The following EYA4 variants were observed in gnomAD, a reference collection of about 807,000 sequenced individuals.
EYA4 encodes EYA transcriptional coactivator and phosphatase 4.
A neutral mutation model predicts 87.9 loss-of-function variants in EYA4; 31 were observed. The ratio of observed to expected loss-of-function variants is 0.35; its 90% confidence interval spans 0.27 to 0.48. The LOEUF (loss-of-function observed/expected upper bound fraction) is 0.48. Ranked by LOEUF, EYA4 falls within the 20% of genes least tolerant of loss-of-function variation. The pLI is 0.99. For missense variants in EYA4, 678 were observed against 761.4 expected, an observed-to-expected ratio of 0.89 and a Z score of 1.29; for synonymous variants, 263 against 270.6, an observed-to-expected ratio of 0.97 and a Z score of 0.28.
chr6:133,503,942 C>T lies in EYA4; in HGVS notation c.1192-2164C>T, dbSNP rs1798366036. Reference sequence around the variant, plus strand: ...TTAATATTTTTTTTCTTTTGAGATACTGTTTCACTCTGTCACCCAAGCTGG... The same window carrying T: ...TTAATATTTTTTTTCTTTTGAGATATTGTTTCACTCTGTCACCCAAGCTGG... On this transcript the variant is annotated intron_variant, in intron 13 of 19. Transcript: ENST00000355286. Among the ~76,000 whole-genome samples, 3 of 151,968 alleles carry T rather than the reference C, an allele frequency of 2.0e-5. No individual in the cohort carries two copies. In the South Asian group the frequency reaches 6.2e-4, roughly 31 times the overall value.
intron 2 of EYA4, among the ~76,000 whole-genome samples, chr6:133,355,056 G>T (rs1053672443): frequency 2.6e-5 from 4 of 152,100 alleles, no homozygotes; most frequent in African/African-American, 9.7e-5. Context: ...CAGATAAATG[G>T]TTTTGAAAAA....
chr6:133,437,228 A>G (rs2128600493), intron 3 of EYA4, among the ~76,000 whole-genome samples: 1 of 152,332 alleles, frequency 6.6e-6, no homozygotes, highest in East Asian at 1.9e-4. Flanking sequence ...AGCAGTGTAC[A>G]TTTGGCAGAG....
intron 2 of EYA4, among the ~76,000 whole-genome samples, chr6:133,358,017 T>C (rs993735059): frequency 6.6e-6 from 1 of 152,166 alleles, no homozygotes; most frequent in Non-Finnish European, 1.5e-5. Flanking sequence ...CGGTATAATA[T>C]TTTCCTTTAT....
chr6:133,328,169 T>A (rs531797487), intron 2 of EYA4, among the ~76,000 whole-genome samples: 4 of 152,320 alleles, frequency 2.6e-5, no homozygotes, highest in Admixed American at 2.0e-4. Context: ...AGTTTTCTCA[T>A]CTTTAAAATA....
rs1375473943 is a variant in EYA4 at position 133,479,334 on chromosome 6, C to G, written c.971-2129C>G. ...AAACCTTATTACTCTGCTATCTACT[C>G]TCACCGAGGTGATAACATAGACCCA... On this transcript the variant is annotated intron_variant, in intron 11 of 19. Transcript: ENST00000355286. 5.3e-5 allele frequency among the ~76,000 whole-genome samples: 8 copies of G among 152,166 alleles called. No individual in the cohort carries two copies. In the East Asian group the frequency reaches 1.5e-3, roughly 29 times the overall value.
intron 2 of EYA4, among the ~76,000 whole-genome samples, chr6:133,337,379 G>T (rs920850043): frequency 6.6e-6 from 1 of 152,132 alleles, no homozygotes; most frequent in Non-Finnish European, 1.5e-5. Flanking sequence ...ATATTATATT[G>T]TTAATAGGGG....
At chr6:133,371,304 A>G (rs528579923) in intron 2 of EYA4, among the ~76,000 whole-genome samples, 43 of 152,284 alleles carry the variant, frequency 2.8e-4, no homozygotes, top group Admixed American at 7.2e-4. Context: ...ATCCCAGCCA[A>G]TAAGTTTTCC....
intron 2 of EYA4, among the ~76,000 whole-genome samples, chr6:133,346,869 T>G (rs951367360): frequency 2.0e-5 from 3 of 152,176 alleles, no homozygotes; most frequent in Non-Finnish European, 4.4e-5. Context: ...TTTCTGTTTC[T>G]GCAATTCTGC....
chr6:133,243,090 G>GTGTGTGTGTC (rs1554206025), intron 1 of EYA4, among the ~76,000 whole-genome samples: 1 of 12,764 alleles, frequency 7.8e-5, no homozygotes, highest in Non-Finnish European at 1.3e-4. Context: ...GAGCAACTTC[G>GTGTGTGTGTC]TGTGTGTGTG....
At chr6:133,365,562 G>A (rs932436818) in intron 2 of EYA4, among the ~76,000 whole-genome samples, 3 of 152,042 alleles carry the variant, frequency 2.0e-5, no homozygotes, top group Non-Finnish European at 4.4e-5. Context: ...ACGATGGGGC[G>A]CATGGGGAAG....
chr6:133,477,809 G>A (rs1795868220), intron 11 of EYA4, among the ~76,000 whole-genome samples: 1 of 112,112 alleles, frequency 8.9e-6, no homozygotes, highest in Admixed American at 1.0e-4. Context: ...TGAGGTTTAA[G>A]TCAGACACAC....
chr6:133,485,921 G>A (rs1256396176), intron 13 of EYA4, among the ~76,000 whole-genome samples: 1 of 152,170 alleles, frequency 6.6e-6, no homozygotes, highest in East Asian at 1.9e-4. Flanking sequence ...GCAATAGGGT[G>A]GTGGTGAAAG....
chr6:133,243,089 C>CGTGTGTGTGTGT (rs3065226), intron 1 of EYA4, among the ~76,000 whole-genome samples: 18,480 of 145,212 alleles, frequency 0.13, 1,564 homozygotes, highest in East Asian at 0.36. Context: ...GGAGCAACTT[C>CGTGTGTGTGTGT]GTGTGTGTGT....
rs1795058293 is a variant in EYA4 at position 133,468,679 on chromosome 6, A to G, written c.918A>G (p.Ser306=). ...SNNTADGTPS[S]TSTYQLQESL... is the part of the protein sequence containing the mutation. ...ACACAGCCGATGGCACACCCTCTTC[A>G]ACCTCTACTTATCAGTTGCAGGAAT... is the stretch of plus-strand genomic sequence containing the variant. Residue 306 remains serine (S), a synonymous_variant, in exon 11 of 20, where the codon TCA becomes TCG. Transcript: ENST00000355286. 2 of 1,613,018 alleles carry G rather than the reference A, an allele frequency of 1.2e-6. No homozygotes were observed. The highest frequency in any genetic ancestry group is 1.7e-6 in the Non-Finnish European group (2 of 1,179,350).
chr6:133,491,951 C>CAA (rs34316449), intron 13 of EYA4, among the ~76,000 whole-genome samples: 32,881 of 83,384 alleles, frequency 0.39, 6,672 homozygotes, highest in Non-Finnish European at 0.51. Context: ...AACTCCGTCT[C>CAA]AAAAAAAAAA....
Position 133,515,372 on chromosome 6 carries a change from T to C in EYA4, c.1553T>C (p.Ile518Thr), listed in dbSNP as rs758580174. The C allele has an allele frequency of 2.5e-6, 4 of 1,613,948 alleles. No homozygotes were observed. The highest frequency in any genetic ancestry group is 2.5e-6 in the Non-Finnish European group (3 of 1,179,808). Reference protein sequence around the residue: ...RDAWLQLRAEIEGLTDSWLTN... With the variant: ...RDAWLQLRAETEGLTDSWLTN... ...GCCTGGCTACAGTTAAGGGCAGAGA[T>C]TGAAGGTCTGACAGATTCCTGGCTA... The change falls in exon 17 of 20, where the codon ATT becomes ACT. Residue 518 changes from isoleucine to threonine, a missense_variant. Ile to Thr is a moderately conservative substitution (Grantham distance 89, BLOSUM62 -1). Coordinates refer to ENST00000355286, the MANE Select transcript of EYA4 (RefSeq NM_004100.5).
chr6:133,363,702 T>C (rs901450075), intron 2 of EYA4, among the ~76,000 whole-genome samples: 15 of 151,866 alleles, frequency 9.9e-5, no homozygotes, highest in Non-Finnish European at 1.9e-4. Context: ...GTCTGGATCT[T>C]CTGACCTCAT....
chr6:133,517,468 A>G (rs930445056), intron 17 of EYA4, among the ~76,000 whole-genome samples: 2 of 152,188 alleles, frequency 1.3e-5, no homozygotes, highest in Non-Finnish European at 2.9e-5. Context: ...TGTATGGGGA[A>G]CACAGCATTC....
intron 2 of EYA4, among the ~76,000 whole-genome samples, chr6:133,303,304 T>C (rs1779555068): frequency 6.6e-6 from 1 of 152,226 alleles, no homozygotes. Context: ...TTATTTGTTT[T>C]GGCCTTTATG....
Sources: gnomAD v4.1 joint callset for allele counts (sites outside exome capture counted in the v4.1 genomes callset) on GRCh38, gnomAD v4.1.1 for gene constraint, MANE v1.5 for transcripts, NCBI Gene and HGNC (gene_info 2026-07-23, HGNC 2026-07-21) for gene names.